BTG4: variants seen among roughly 807,000 people sequenced by gnomAD.
The protein encoded by BTG4 is BTG anti-proliferation factor 4.
A neutral mutation model predicts 19.3 loss-of-function variants in BTG4; 10 were observed. That is an observed-to-expected ratio of 0.52 (90% confidence interval 0.32 to 0.88). BTG4 has a LOEUF of 0.88. BTG4 is among the 40% of genes least tolerant of loss of function. The probability of loss-of-function intolerance (pLI) is 0.04; values close to 1 mark genes in which losing one functional copy is unlikely to be tolerated. For missense variants in BTG4, 238 were observed against 281.9 expected (o/e 0.84, Z 1.11); for synonymous variants, 91 against 95.7 (o/e 0.95, Z 0.29).
intron 1 of BTG4, among the ~76,000 whole-genome samples, chr11:111,501,609 T>C (rs995694613): frequency 8.5e-5 from 13 of 152,164 alleles, no homozygotes; most frequent in African/African-American, 3.1e-4. Flanking sequence ...GTTATTCTAG[T>C]ACAGTAGACA....
the BTG4 span, among the ~76,000 whole-genome samples, chr11:111,427,086 C>A: frequency 1.3e-5 from 2 of 152,202 alleles, no homozygotes; most frequent in African/African-American, 4.8e-5. Flanking sequence ...GAAAAAGTCC[C>A]TGCCTGCCTC....
At chr11:111,487,292 G>A (rs1357661483) in intron 5 of BTG4, among the ~76,000 whole-genome samples, 1 of 152,150 alleles carries the variant, frequency 6.6e-6, no homozygotes, top group Non-Finnish European at 1.5e-5. Context: ...ACACGTGAAT[G>A]TATCTTTATA....
the BTG4 span, among the ~76,000 whole-genome samples, chr11:111,441,104 C>T: frequency 2.3e-4 from 33 of 141,314 alleles, 1 homozygote; most frequent in South Asian, 9.8e-4. Flanking sequence ...GGCCAGAGAC[C>T]GCTCTCTTTT....
rs965286407 is a variant in BTG4 at position 111,472,950 on chromosome 11, G to A, written c.663-5269C>T. Among the ~76,000 whole-genome samples the A allele has an allele frequency of 2.6e-5, 4 of 152,012 alleles. No individual in the cohort carries two copies. The East Asian group carries it at 7.7e-4, about 29-fold the overall frequency. Reference sequence around the variant, plus strand: ...GATAATAGCAAACATTTATTACCTTGCCATGTGCTACATGCCATGTTATGA... The same window carrying A: ...GATAATAGCAAACATTTATTACCTTACCATGTGCTACATGCCATGTTATGA... On this transcript the variant is annotated intron_variant, in intron 5 of 5. Transcript: ENST00000356018.
At chr11:111,463,128 G>A (rs934068739), downstream of BTG4, 1 of 152,760 alleles carries the variant, frequency 6.5e-6, no homozygotes, top group African/African-American at 2.4e-5. Context: ...GTCAGCTGCA[G>A]TACCGACGGG....
downstream of BTG4, among the ~76,000 whole-genome samples, chr11:111,467,335 A>G (rs1285583560): frequency 6.6e-6 from 1 of 152,232 alleles, no homozygotes; most frequent in Non-Finnish European, 1.5e-5. Context: ...GTCAAGTTCT[A>G]TTTAGAAAAG....
intron 5 of BTG4, chr11:111,475,209 T>C (rs1864329741): frequency 6.6e-6 from 1 of 152,556 alleles, no homozygotes; most frequent in Non-Finnish European, 1.5e-5. Flanking sequence ...ATCTATAATA[T>C]TCATGGTAAA....
At chr11:111,410,356 T>C in the BTG4 span, among the ~76,000 whole-genome samples, 1 of 152,128 alleles carries the variant, frequency 6.6e-6, no homozygotes, top group Non-Finnish European at 1.5e-5. Context: ...CCTCCTGATA[T>C]AACTAGAGAT....
chr11:111,385,467 A>C, the BTG4 span: 1 of 152,112 alleles, frequency 6.6e-6, no homozygotes, highest in Non-Finnish European at 1.5e-5. Flanking sequence ...ATATAAGAAA[A>C]GAAAATTATA....
the BTG4 span, among the ~76,000 whole-genome samples, chr11:111,392,795 A>G: frequency 1.3e-5 from 2 of 152,322 alleles, no homozygotes; most frequent in Non-Finnish European, 2.9e-5. Context: ...CAGACCTGCG[A>G]GTCAAGTGCC....
At chr11:111,502,487 G>C (rs144142118) in intron 1 of BTG4, among the ~76,000 whole-genome samples, 1 of 152,030 alleles carries the variant, frequency 6.6e-6, no homozygotes, top group African/African-American at 2.4e-5. Context: ...ATTTATTCTC[G>C]TATTTTCTAG....
intron 5 of BTG4, among the ~76,000 whole-genome samples, chr11:111,470,325 C>A (rs1163602443): frequency 6.6e-6 from 1 of 152,128 alleles, no homozygotes; most frequent in Non-Finnish European, 1.5e-5. Context: ...CTCAAGCATT[C>A]CACCTGCCTC....
chr11:111,394,706 C>T, the BTG4 span, among the ~76,000 whole-genome samples: 2 of 152,178 alleles, frequency 1.3e-5, no homozygotes, highest in African/African-American at 2.4e-5. Flanking sequence ...TATGGGCCCA[C>T]CTTGGCCTCC....
the BTG4 span, among the ~76,000 whole-genome samples, chr11:111,435,814 C>T: frequency 1.3e-5 from 2 of 152,142 alleles, no homozygotes; most frequent in East Asian, 1.9e-4. Flanking sequence ...CCACCCCACC[C>T]GCCCTAAGCC....
At position 111,497,401 on chromosome 11, in the gene BTG4, T is replaced by C. The variant is rs1276777708; in HGVS notation, c.320A>G (p.Glu107Gly). Residue 107 changes from glutamate to glycine, a missense_variant, in exon 4 of 5, where the codon GAG becomes GGG. Transcript: ENST00000692032. ...DPFEVCCRYGEKNHPFTVASF... is the reference protein window; with the variant it reads ...DPFEVCCRYGGKNHPFTVASF... Reference sequence around the variant, plus strand: ...AGCAACTGTAAATGGATGGTTTTTCTCACCATACCTAAGTAGGAAAAGAAA... The same window carrying C: ...AGCAACTGTAAATGGATGGTTTTTCCCACCATACCTAAGTAGGAAAAGAAA... 7.3e-7 allele frequency: 1 copy of C among 1,375,600 alleles called. No homozygotes were observed. The highest frequency in any genetic ancestry group is 2.7e-5 in the East Asian group (1 of 37,510). The allele number at this position is 1,375,600 out of a possible 1,614,324, so 85.2% of individuals were successfully genotyped here.
chr11:111,400,720 C>T, the BTG4 span, among the ~76,000 whole-genome samples: 7 of 152,132 alleles, frequency 4.6e-5, no homozygotes, highest in Admixed American at 2.6e-4. Flanking sequence ...AATAACCTCA[C>T]CATGGAGAGA....
downstream of BTG4, among the ~76,000 whole-genome samples, chr11:111,493,086 C>T (rs543959719): frequency 2.6e-5 from 4 of 152,222 alleles, no homozygotes; most frequent in South Asian, 8.3e-4. Flanking sequence ...GCGGAGGTTG[C>T]AGTGAGCCAA....
intron 5 of BTG4, among the ~76,000 whole-genome samples, chr11:111,486,673 A>G (rs1445776366): frequency 1.3e-5 from 2 of 152,188 alleles, no homozygotes; most frequent in African/African-American, 4.8e-5. Context: ...ATAGCACATT[A>G]AAAAAGTATT....
the BTG4 span, among the ~76,000 whole-genome samples, chr11:111,434,597 C>T: frequency 6.7e-6 from 1 of 149,686 alleles, no homozygotes. Flanking sequence ...AGCCACTATA[C>T]TTTAAAAAAA....
Sources: gnomAD v4.1 joint callset for allele counts (sites outside exome capture counted in the v4.1 genomes callset) on GRCh38, gnomAD v4.1.1 for gene constraint, MANE v1.5 for transcripts, NCBI Gene and HGNC (gene_info 2026-07-23, HGNC 2026-07-21) for gene names.